The following ULK4 variants were observed in gnomAD, a reference collection of about 807,000 sequenced individuals.
ULK4 encodes inactive serine/threonine-protein kinase ULK4.
Under a neutral mutation model 160.6 loss-of-function variants are expected in ULK4, and 133 were observed. That is an observed-to-expected ratio of 0.83 (90% CI 0.72 to 0.96). The LOEUF (loss-of-function observed/expected upper bound fraction) is 0.96, where lower values mean the gene tolerates loss of function less well. Ranked by LOEUF, ULK4 falls within the 40% of genes least tolerant of loss-of-function variation. ULK4 has a pLI of 0.00. For synonymous variants in ULK4, 534 were observed against 539.8 expected (o/e 0.99, Z 0.15); for missense variants, 1,580 against 1,499.5 (o/e 1.05, Z -0.89).
intron 36 of ULK4, among the ~76,000 whole-genome samples, chr3:41,248,287 G>A (rs2125664687): frequency 6.6e-6 from 1 of 152,256 alleles, no homozygotes; most frequent in Admixed American, 6.5e-5. Context: ...CCGATGGCAT[G>A]TGCTCCTCAA....
At chr3:41,520,843 C>A (rs2085908025) in intron 32 of ULK4, among the ~76,000 whole-genome samples, 2 of 152,136 alleles carry the variant, frequency 1.3e-5, no homozygotes. Flanking sequence ...TGCTTAGCAG[C>A]CATTTGTATA....
intron 30 of ULK4, among the ~76,000 whole-genome samples, chr3:41,620,106 T>C (rs1235666553): frequency 6.6e-6 from 1 of 152,060 alleles, no homozygotes; most frequent in Non-Finnish European, 1.5e-5. Context: ...AGATCTGAAA[T>C]TGAGGGAGTA....
chr3:41,303,124 T>A (rs1227009049), intron 35 of ULK4, among the ~76,000 whole-genome samples: 3 of 152,210 alleles, frequency 2.0e-5, no homozygotes, highest in African/African-American at 7.2e-5. Context: ...TTTTTAAAAA[T>A]TATAGTATTG....
intron 27 of ULK4, among the ~76,000 whole-genome samples, chr3:41,682,319 G>C (rs946251449): frequency 2.6e-5 from 4 of 152,148 alleles, no homozygotes; most frequent in African/African-American, 4.8e-5. Flanking sequence ...GTTCCTAGTT[G>C]TATCAGAGAA....
intron 32 of ULK4, among the ~76,000 whole-genome samples, chr3:41,546,764 C>T (rs987310970): frequency 1.2e-4 from 11 of 94,686 alleles, no homozygotes; most frequent in Non-Finnish European, 2.5e-4. Flanking sequence ...CTCCCTAGGC[C>T]CTTAAAAAAA....
At chr3:41,441,953 C>G (rs1559604443) in intron 34 of ULK4, among the ~76,000 whole-genome samples, 1 of 152,144 alleles carries the variant, frequency 6.6e-6, no homozygotes, top group Non-Finnish European at 1.5e-5. Flanking sequence ...GCTCTGAAAT[C>G]TACTTTGTCT....
chr3:41,556,403 G>GA (rs2087301840), intron 32 of ULK4, among the ~76,000 whole-genome samples: 1 of 149,282 alleles, frequency 6.7e-6, no homozygotes, highest in Non-Finnish European at 1.5e-5. Context: ...CAGAAATAGA[G>GA]AAAATCATCA....
At position 41,691,675 on chromosome 3, in the gene ULK4, A is replaced by G. The variant is rs1278126646; in HGVS notation, c.2782-9871T>C. Among the ~76,000 whole-genome samples, 4 of 151,840 alleles carry G rather than the reference A, an allele frequency of 2.6e-5. 1 individual carries two copies. Among genetic ancestry groups the G allele is most frequent in the Non-Finnish European group, 5.9e-5 (4 of 67,934 alleles). ...GATTTTTATCTAAAGTAGTGGCTAA[A>G]TTGTCTTAGGACCTGAGAAATTTCA... On this transcript the variant is annotated intron_variant, in intron 27 of 36. Transcript: ENST00000301831.
At chr3:41,797,100 C>T (rs890200345) in intron 20 of ULK4, among the ~76,000 whole-genome samples, 1 of 151,922 alleles carries the variant, frequency 6.6e-6, no homozygotes, top group African/African-American at 2.4e-5. Flanking sequence ...TACATGCATG[C>T]TGAAGAAAGG....
intron 35 of ULK4, among the ~76,000 whole-genome samples, chr3:41,353,345 G>A (rs1167330338): frequency 2.0e-5 from 3 of 152,108 alleles, no homozygotes; most frequent in Non-Finnish European, 4.4e-5. Context: ...TTAACATTCT[G>A]GAGCAGTAGA....
intron 34 of ULK4, among the ~76,000 whole-genome samples, chr3:41,416,036 T>C (rs2082519524): frequency 6.6e-6 from 1 of 152,236 alleles, no homozygotes. Context: ...AATGTGGCTA[T>C]ACGATCTTCA....
chr3:41,831,723 C>A (rs1007310558), intron 18 of ULK4, among the ~76,000 whole-genome samples: 1 of 151,898 alleles, frequency 6.6e-6, no homozygotes. Flanking sequence ...TGACAGGCCC[C>A]CATGTGTGTT....
chr3:41,356,365 G>A (rs6781194), intron 35 of ULK4, among the ~76,000 whole-genome samples: 18 of 152,222 alleles, frequency 1.2e-4, no homozygotes, highest in African/African-American at 3.9e-4. Flanking sequence ...ATCTCTTGCC[G>A]TTTATCTTGA....
intron 21 of ULK4, among the ~76,000 whole-genome samples, chr3:41,755,686 T>C (rs2125899819): frequency 6.6e-6 from 1 of 152,214 alleles, no homozygotes; most frequent in African/African-American, 2.4e-5. Context: ...CCAGCAATCA[T>C]AGACTGAAAA....
chr3:41,272,583 A>ATTT (rs200983925), intron 35 of ULK4, among the ~76,000 whole-genome samples: 5 of 144,092 alleles, frequency 3.5e-5, no homozygotes, highest in East Asian at 4.0e-4. Flanking sequence ...ACCTTGGTGT[A>ATTT]TTTTTTTTTT....
At chr3:41,509,703 G>A (rs1004925481) in intron 32 of ULK4, among the ~76,000 whole-genome samples, 1 of 152,238 alleles carries the variant, frequency 6.6e-6, no homozygotes, top group Admixed American at 6.5e-5. Flanking sequence ...TTTCAGCCAA[G>A]AATTTTGTAT....
chr3:41,824,892 T>A (rs113578680), intron 18 of ULK4, among the ~76,000 whole-genome samples: 2 of 152,046 alleles, frequency 1.3e-5, no homozygotes. Flanking sequence ...GACCCCCGAA[T>A]AGACTAACTG....
chr3:41,909,949 C>G (rs376437641), intron 11 of ULK4, among the ~76,000 whole-genome samples: 1 of 151,924 alleles, frequency 6.6e-6, no homozygotes. Context: ...CAGGCTGGAG[C>G]GCGATGGCGC....
intron 35 of ULK4, among the ~76,000 whole-genome samples, chr3:41,259,490 A>G (rs2078904140): frequency 6.6e-6 from 1 of 152,220 alleles, no homozygotes; most frequent in African/African-American, 2.4e-5. Flanking sequence ...GGCTTGCCCA[A>G]GGCAAAGTGG....
Sources: gnomAD v4.1 joint callset for allele counts (sites outside exome capture counted in the v4.1 genomes callset) on GRCh38, gnomAD v4.1.1 for gene constraint, MANE v1.5 for transcripts, NCBI Gene and HGNC (gene_info 2026-07-23, HGNC 2026-07-21) for gene names.